Variants in SLC14A2 observed in about 807,000 individuals in gnomAD.
The protein encoded by SLC14A2 is urea transporter 2.
SLC14A2 carries 91 observed loss-of-function variants against 104.6 expected under a neutral mutation model. The observed-to-expected ratio is 0.87, with a 90% CI of 0.73 to 1.04. The LOEUF (loss-of-function observed/expected upper bound fraction) is 1.04, where lower values mean the gene tolerates loss of function less well. Ranked by LOEUF, SLC14A2 falls within the 50% of genes least tolerant of loss-of-function variation. The probability of loss-of-function intolerance (pLI) is 0.00; values close to 1 mark genes in which losing one functional copy is unlikely to be tolerated. For synonymous variants in SLC14A2, 476 were observed against 466.4 expected (o/e 1.02, Z -0.27); for missense variants, 1,189 against 1,156.0 (o/e 1.03, Z -0.41).
At chr18:45,678,844 T>A in intron 18 of SLC14A2, 131 bp from the exon 19 acceptor site, 1 of 823,788 alleles carries the variant, frequency 1.2e-6, no homozygotes, top group South Asian at 2.0e-5. Context: ...GAAACATAAC[T>A]CAAATTTTTA....
At chr18:45,409,779 C>T (rs2086195089) in intron 1 of SLC14A2, among the ~76,000 whole-genome samples, 1 of 152,184 alleles carries the variant, frequency 6.6e-6, no homozygotes, top group Non-Finnish European at 1.5e-5. Flanking sequence ...CAACAGTCCA[C>T]AACCTTTTAG....
intron 1 of SLC14A2, among the ~76,000 whole-genome samples, chr18:45,470,523 T>G (rs1035211341): frequency 1.3e-5 from 2 of 152,238 alleles, no homozygotes; most frequent in African/African-American, 4.8e-5. Flanking sequence ...TATCTTTCAC[T>G]AACAGTTATG....
chr18:45,221,344 GT>G (rs1243881418), intron 1 of SLC14A2, among the ~76,000 whole-genome samples: 1 of 152,132 alleles, frequency 6.6e-6, no homozygotes, highest in Non-Finnish European at 1.5e-5. Flanking sequence ...ATAAAAAGAA[GT>G]GCCCTCCTCC....
intron 1 of SLC14A2, among the ~76,000 whole-genome samples, chr18:45,425,664 T>A (rs902464426): frequency 3.3e-5 from 5 of 152,210 alleles, no homozygotes; most frequent in African/African-American, 4.8e-5. Context: ...ATAGACTCAC[T>A]GAAAGTATTT....
chr18:45,192,711 C>T, the SLC14A2 span, among the ~76,000 whole-genome samples: 1 of 151,328 alleles, frequency 6.6e-6, no homozygotes, highest in African/African-American at 2.4e-5. Flanking sequence ...GGCTAGAATG[C>T]AGTGGTATAG....
At chr18:45,187,828 G>GAA in the SLC14A2 span, among the ~76,000 whole-genome samples, 1 of 152,114 alleles carries the variant, frequency 6.6e-6, no homozygotes, top group African/African-American at 2.4e-5. Context: ...GAATATTGTG[G>GAA]AAAATGTTTA....
intron 1 of SLC14A2, among the ~76,000 whole-genome samples, chr18:45,339,772 C>A (rs191322084): frequency 3.9e-5 from 6 of 152,236 alleles, no homozygotes; most frequent in African/African-American, 9.6e-5. Context: ...CCAGGCTGAG[C>A]AGGTTTGATG....
Position 45,448,020 on chromosome 18 carries a change from C to T in SLC14A2, c.-124-35213C>T, listed in dbSNP as rs1422456327. ...TCACAGACTATGTTTATCTGCAAAA[C>T]AAGACTGAGTATGGCTCAAGTGTGT... On this transcript the variant is annotated intron_variant, in intron 1 of 20. Transcript: ENST00000586448. Among the ~76,000 whole-genome samples the T allele has an allele frequency of 2.6e-5, 4 of 152,234 alleles. No homozygotes were observed. In the East Asian group the frequency reaches 7.7e-4, roughly 29 times the overall value.
rs1219561440 is a variant in SLC14A2, at chr18:45,682,709, TGTTTA to T, written c.*197_*201del. 2 of 594,282 alleles carry T rather than the reference TGTTTA, an allele frequency of 3.4e-6. No individual in the cohort carries two copies. The highest frequency in any genetic ancestry group is 3.7e-5 in the African/African-American group (2 of 53,736). 36.8% of individuals were successfully genotyped at this position (594,282 alleles called of 1,614,324 possible). ...AGATGCACAACACTTATCAAAGATA[TGTTTA>T]GTTTAGACTTTATACCCTTAGCTTT... On this transcript the variant is annotated 3_prime_UTR_variant, in exon 20 of 20. Transcript: ENST00000255226.
intron 2 of SLC14A2, among the ~76,000 whole-genome samples, chr18:45,519,225 A>G (rs1220785380): frequency 3.9e-5 from 6 of 152,206 alleles, no homozygotes; most frequent in African/African-American, 1.4e-4. Context: ...AGAGCGCACT[A>G]ACAAGCAACT....
intron 11 of SLC14A2, among the ~76,000 whole-genome samples, chr18:45,664,142 G>A (rs567462172): frequency 2.0e-4 from 30 of 152,302 alleles, no homozygotes; most frequent in Admixed American, 2.0e-4. Flanking sequence ...TCTCAACCTG[G>A]CTGCACATTG....
At chr18:45,658,225 A>G (rs1267842713) in intron 10 of SLC14A2, among the ~76,000 whole-genome samples, 2 of 152,118 alleles carry the variant, frequency 1.3e-5, no homozygotes, top group African/African-American at 2.4e-5. Flanking sequence ...CTTATGTTGG[A>G]CATTGCAACT....
At chr18:45,267,016 G>A (rs75702532) in intron 1 of SLC14A2, among the ~76,000 whole-genome samples, 1 of 152,280 alleles carries the variant, frequency 6.6e-6, no homozygotes, top group African/African-American at 2.4e-5. Context: ...CATTAATGTG[G>A]AAGCTTTTAT....
At chr18:45,399,500 G>C (rs909027449) in intron 1 of SLC14A2, among the ~76,000 whole-genome samples, 1 of 152,234 alleles carries the variant, frequency 6.6e-6, no homozygotes, top group South Asian at 2.1e-4. Context: ...TCTAGCTGGG[G>C]TCCATTGATA....
chr18:45,195,425 T>A, the SLC14A2 span, among the ~76,000 whole-genome samples: 1 of 152,088 alleles, frequency 6.6e-6, no homozygotes, highest in South Asian at 2.1e-4. Context: ...TAAGTCTTGC[T>A]CTGTTGCCCA....
In SLC14A2 at chr18:45,675,505, G is replaced by A. The variant is rs1307946082; in HGVS notation, c.2512+1688G>A. On this transcript the variant is annotated intron_variant, in intron 18 of 19. Coordinates refer to ENST00000255226, the MANE Select transcript of SLC14A2 (RefSeq NM_007163.4). ...TAACACATACAAGTGGAGTTTGGGGGGCGTTTTACTGTTGTTGTTGTTGTT... is the reference window on the plus strand; with the variant it reads ...TAACACATACAAGTGGAGTTTGGGGAGCGTTTTACTGTTGTTGTTGTTGTT... Among the ~76,000 whole-genome samples the A allele has an allele frequency of 4.6e-5, 7 of 151,638 alleles. No homozygotes were observed. In the Middle Eastern group the frequency reaches 0.01, roughly 221 times the overall value.
chr18:45,597,327 C>CA (rs199751496), intron 2 of SLC14A2, among the ~76,000 whole-genome samples: 3,925 of 142,464 alleles, frequency 0.028, 166 homozygotes, highest in African/African-American at 0.092. Flanking sequence ...AACTCCATCT[C>CA]AAAAAAAAAA....
chr18:45,425,608 G>T (rs1455382455), intron 1 of SLC14A2, among the ~76,000 whole-genome samples: 1 of 152,140 alleles, frequency 6.6e-6, no homozygotes, highest in Non-Finnish European at 1.5e-5. Flanking sequence ...GAGAGGATTT[G>T]AACTAGCTTG....
chr18:45,191,622 C>T, the SLC14A2 span, among the ~76,000 whole-genome samples: 7 of 152,170 alleles, frequency 4.6e-5, no homozygotes, highest in Non-Finnish European at 1.0e-4. Flanking sequence ...CCTCTTTTGT[C>T]TCCACAAACT....
Sources: allele counts gnomAD v4.1 joint callset (sites outside exome capture counted in the v4.1 genomes callset), GRCh38; gene constraint gnomAD v4.1.1; transcripts MANE v1.5; gene names NCBI Gene and HGNC (gene_info 2026-07-23, HGNC 2026-07-21).